ARSG: variants seen among roughly 807,000 people sequenced by gnomAD.
ARSG encodes arylsulfatase G.
ARSG carries 37 observed loss-of-function variants against 50.5 expected under a neutral mutation model. The ratio of observed to expected loss-of-function variants is 0.73; its 90% confidence interval spans 0.56 to 0.96. ARSG has a LOEUF of 0.96. Among genes scored for constraint, ARSG ranks in the 50% least tolerant of loss-of-function variants. The pLI is 0.00. For synonymous variants in ARSG, 225 were observed against 254.6 expected (o/e 0.88, Z 1.11); for missense variants, 629 against 675.3 (o/e 0.93, Z 0.76).
In ARSG at chr17:68,265,212, T is replaced by G. The variant is rs190131116; in HGVS notation, c.-552+5786T>G. 2.0e-4 allele frequency among the ~76,000 whole-genome samples: 29 copies of G among 148,420 alleles called. No homozygotes were observed. In the East Asian group the frequency reaches 3.8e-3, roughly 20 times the overall value. ...TAATTAACAAATGTGTTAGCTATAA[T>G]GTCGGGCACGGTGACTCATGCCTGT... On this transcript the variant is annotated intron_variant, in intron 1 of 11. Transcript: ENST00000448504.
intron 1 of ARSG, among the ~76,000 whole-genome samples, chr17:68,265,743 A>T (rs2075146683): frequency 7.3e-6 from 1 of 136,194 alleles, no homozygotes; most frequent in Non-Finnish European, 1.5e-5. Flanking sequence ...GAGAGCTAAT[A>T]GTGTGTGTTG....
chr17:68,260,220 T>C (rs1265998305), intron 1 of ARSG, among the ~76,000 whole-genome samples: 7 of 152,196 alleles, frequency 4.6e-5, no homozygotes, highest in Admixed American at 3.9e-4. Flanking sequence ...GTAAACTTGC[T>C]TGTTGTTTAA....
At chr17:68,418,947 TC>T (rs1202259823) in intron 11 of ARSG, among the ~76,000 whole-genome samples, 1 of 151,622 alleles carries the variant, frequency 6.6e-6, no homozygotes, top group African/African-American at 2.4e-5. Context: ...TTGCTTTAAT[TC>T]CCTTTGTTTA....
Position 68,271,565 on chromosome 17 carries a change from G to A in ARSG, c.-552+12139G>A. 1 of 1,614,200 alleles carries A rather than the reference G, an allele frequency of 6.2e-7. No individual in the cohort carries two copies. The highest frequency in any genetic ancestry group is 1.1e-5 in the South Asian group (1 of 91,080). ...CCTCTGATAAAGATGGGTCTGAGCA[G>A]TGCTCCGAAGATGACAATGTTTAAC... is the stretch of plus-strand genomic sequence containing the variant. On this transcript the variant is annotated intron_variant, in intron 1 of 11. Coordinates refer to the ARSG transcript ENST00000448504. This position sits in a 1 kb window ranked among gnomAD's most constrained non-coding sequence, Gnocchi z 5.3.
At chr17:68,387,079 T>TCACACA (rs72320984) in intron 9 of ARSG, among the ~76,000 whole-genome samples, 8 of 146,298 alleles carry the variant, frequency 5.5e-5, no homozygotes, top group African/African-American at 2.0e-4. Context: ...ATATAGTGTA[T>TCACACA]CACACACACA....
intron 1 of ARSG, among the ~76,000 whole-genome samples, chr17:68,297,481 G>A (rs1387394666): frequency 6.6e-6 from 1 of 152,196 alleles, no homozygotes. Flanking sequence ...ATGGTGGCGT[G>A]TTTGTAGCTT....
At chr17:68,374,671 G>A (rs1045144845) in intron 8 of ARSG, among the ~76,000 whole-genome samples, 1 of 151,976 alleles carries the variant, frequency 6.6e-6, no homozygotes, top group African/African-American at 2.4e-5. Flanking sequence ...GGCCAACATG[G>A]TGAAACCCCG....
At position 68,382,201 on chromosome 17, in the gene ARSG, T is replaced by A. The variant is rs143900203; in HGVS notation, c.983-2863T>A. ...ACCTCATGATCTGCCCACCTCAGCCTCCCAAAGTGCTGGGATTACAGGCGT... is the reference window on the plus strand; with the variant it reads ...ACCTCATGATCTGCCCACCTCAGCCACCCAAAGTGCTGGGATTACAGGCGT... On this transcript the variant is annotated intron_variant, in intron 8 of 11. Coordinates refer to ENST00000621439, the MANE Select transcript of ARSG (RefSeq NM_001267727.2). 6.5e-3 allele frequency among the ~76,000 whole-genome samples: 984 copies of A among 152,282 alleles called. 23 individuals carry two copies. Among genetic ancestry groups the A allele is most frequent in the Admixed American group, 0.046 (708 of 15,296 alleles).
At chr17:68,386,916 G>A (rs974782916) in intron 9 of ARSG, among the ~76,000 whole-genome samples, 2 of 152,090 alleles carry the variant, frequency 1.3e-5, no homozygotes, top group African/African-American at 4.8e-5. Context: ...CCAAGGCAGT[G>A]TCTGCCTGAG....
At chr17:68,425,117 A>T (rs1600246424), downstream of ARSG, among the ~76,000 whole-genome samples, 3 of 152,220 alleles carry the variant, frequency 2.0e-5, no homozygotes, top group East Asian at 5.8e-4. Flanking sequence ...CTGTGGGAAC[A>T]GGCTGAGCAG....
chr17:68,363,864 G>A (rs1322559874), intron 6 of ARSG, among the ~76,000 whole-genome samples: 4 of 152,190 alleles, frequency 2.6e-5, no homozygotes, highest in East Asian at 1.9e-4. Flanking sequence ...TGGCAAAATG[G>A]TGGGGCGGGG....
rs1107191 is a variant in ARSG, at chr17:68,367,284, T to G, written c.705-1264T>G. On this transcript the variant is annotated intron_variant, in intron 6 of 11. Transcript: ENST00000621439. This position sits in a 1 kb window ranked among gnomAD's most constrained non-coding sequence, Gnocchi z 4.5. ...AAGCACAGTCCCAGGCGGCAGACCC[T>G]GGGAGCCAGGGTGCAGGGGGGATTT... Among the ~76,000 whole-genome samples, 10,777 of 152,212 alleles carry G rather than the reference T, an allele frequency of 0.071. 674 individuals carry two copies. Among genetic ancestry groups the G allele is most frequent in the African/African-American group, 0.17 (6,867 of 41,516 alleles).
the ARSG span, among the ~76,000 whole-genome samples, chr17:68,450,294 C>G: frequency 6.6e-6 from 1 of 152,186 alleles, no homozygotes; most frequent in Non-Finnish European, 1.5e-5. Flanking sequence ...CAGGGAGCCC[C>G]CACTTCACTC....
At chr17:68,365,709 C>G (rs2079513880) in intron 6 of ARSG, among the ~76,000 whole-genome samples, 1 of 152,140 alleles carries the variant, frequency 6.6e-6, no homozygotes, top group African/African-American at 2.4e-5. Context: ...TTTGCCAATT[C>G]CTGAGGTGTA....
At chr17:68,316,121 C>T (rs1376146729) in intron 2 of ARSG, among the ~76,000 whole-genome samples, 1 of 152,202 alleles carries the variant, frequency 6.6e-6, no homozygotes, top group Non-Finnish European at 1.5e-5. Flanking sequence ...TGAACATATG[C>T]TTTTCCCTGC....
chr17:68,340,395 A>G lies in ARSG; in HGVS notation c.219-3209A>G, dbSNP rs192014091. ...TGCCTCCCAGGTTCAAGCAGTTCTC[A>G]TGCTTCAGCCTCCTGAGTAGCTGGA... On this transcript the variant is annotated intron_variant, in intron 2 of 11. Transcript: ENST00000621439. 2.9e-3 allele frequency among the ~76,000 whole-genome samples: 443 copies of G among 152,096 alleles called. 1 individual carries two copies. Among genetic ancestry groups the G allele is most frequent in the African/African-American group, 9.7e-3 (404 of 41,490 alleles).
intron 3 of ARSG, 67 bp from the exon 4 acceptor site, chr17:68,347,058 G>T: frequency 6.3e-7 from 1 of 1,584,566 alleles, no homozygotes. Context: ...TGTGTGATCA[G>T]CTCCTCAGGG....
intron 9 of ARSG, among the ~76,000 whole-genome samples, chr17:68,390,139 C>A (rs2080925090): frequency 6.6e-6 from 1 of 152,148 alleles, no homozygotes. Flanking sequence ...AGGCATGCGC[C>A]ACCATGCCCG....
downstream of ARSG, among the ~76,000 whole-genome samples, chr17:68,423,786 A>AGG (rs767119501): frequency 1.3e-5 from 2 of 152,212 alleles, no homozygotes; most frequent in Non-Finnish European, 2.9e-5. The surrounding 1 kb of genome is among the most constrained non-coding windows in gnomAD (Gnocchi z 4.4). Context: ...TATTTTATAC[A>AGG]GGTTCTTTGG....
Sources: gnomAD v4.1 joint callset for allele counts (sites outside exome capture counted in the v4.1 genomes callset) on GRCh38, gnomAD v4.1.1 for gene constraint, Gnocchi (gnomAD v3.1) non-coding constraint, MANE v1.5 for transcripts, NCBI Gene and HGNC (gene_info 2026-07-23, HGNC 2026-07-21) for gene names.